The following KHDRBS2 variants were observed in gnomAD, a reference collection of about 807,000 sequenced individuals.
The protein encoded by KHDRBS2 is KH RNA binding domain containing, signal transduction associated 2, also known as KH domain-containing, RNA-binding, signal transduction-associated protein 2.
In KHDRBS2, 26 loss-of-function variants were observed where a neutral mutation model predicts 44.3. The observed-to-expected ratio is 0.59, with a 90% CI of 0.43 to 0.81. The LOEUF is 0.81. Among genes scored for constraint, KHDRBS2 ranks in the 40% least tolerant of loss-of-function variants. The pLI, the probability that KHDRBS2 is intolerant of heterozygous loss-of-function variation, is 0.00. For synonymous variants in KHDRBS2, 194 were observed against 151.1 expected (o/e 1.28, Z -2.08); for missense variants, 476 against 433.1 (o/e 1.10, Z -0.88).
chr6:61,703,194 G>A (rs1435809514), intron 7 of KHDRBS2, among the ~76,000 whole-genome samples: 2 of 151,746 alleles, frequency 1.3e-5, no homozygotes, highest in Admixed American at 6.6e-5. Context: ...TAAAGAACAT[G>A]ATAAATGAAA....
the KHDRBS2 span, among the ~76,000 whole-genome samples, chr6:61,631,485 TG>T: frequency 2.6e-5 from 4 of 152,082 alleles, no homozygotes; most frequent in African/African-American, 9.7e-5. Flanking sequence ...ATATCAAATA[TG>T]TCTTTGTGAG....
chr6:61,919,320 G>T (rs1057419439), intron 4 of KHDRBS2, among the ~76,000 whole-genome samples: 1 of 151,860 alleles, frequency 6.6e-6, no homozygotes, highest in African/African-American at 2.4e-5. Context: ...CCAAAAAAGG[G>T]TTAGCAAAGC....
chr6:61,587,678 CA>C, the KHDRBS2 span, among the ~76,000 whole-genome samples: 1 of 152,076 alleles, frequency 6.6e-6, no homozygotes. Context: ...TTTGATTTGA[CA>C]GATTGTGGTT....
chr6:61,755,216 T>C (rs1778309755), intron 6 of KHDRBS2, among the ~76,000 whole-genome samples: 1 of 152,152 alleles, frequency 6.6e-6, no homozygotes, highest in Non-Finnish European at 1.5e-5. Context: ...AAAAGAATTA[T>C]TTAATAGAAT....
At chr6:61,704,219 T>G (rs1258056397) in intron 7 of KHDRBS2, among the ~76,000 whole-genome samples, 8 of 151,814 alleles carry the variant, frequency 5.3e-5, no homozygotes, top group South Asian at 4.1e-4. Context: ...GCCTAGTAGC[T>G]ACATATACAT....
chr6:61,893,825 C>A (rs1802435233), intron 6 of KHDRBS2, among the ~76,000 whole-genome samples: 1 of 151,866 alleles, frequency 6.6e-6, no homozygotes, highest in Non-Finnish European at 1.5e-5. Flanking sequence ...GTGCAGCACA[C>A]CAACATGGCA....
intron 2 of KHDRBS2, among the ~76,000 whole-genome samples, chr6:62,064,708 G>T: frequency 1.3e-5 from 2 of 151,994 alleles, no homozygotes; most frequent in East Asian, 3.9e-4. Context: ...TACCATTCAG[G>T]TCACAGGCAT....
At chr6:61,586,877 C>T in the KHDRBS2 span, among the ~76,000 whole-genome samples, 1 of 152,206 alleles carries the variant, frequency 6.6e-6, no homozygotes, top group Admixed American at 6.5e-5. Context: ...CAGTTTGTTA[C>T]ATTCCCTTTT....
chr6:61,613,338 C>G, the KHDRBS2 span, among the ~76,000 whole-genome samples: 2 of 152,242 alleles, frequency 1.3e-5, no homozygotes, highest in South Asian at 4.1e-4. Flanking sequence ...GAATGAATGT[C>G]TACGTGTAAT....
At chr6:62,091,087 G>T (rs1477977540) in intron 2 of KHDRBS2, among the ~76,000 whole-genome samples, 2 of 152,126 alleles carry the variant, frequency 1.3e-5, no homozygotes, top group African/African-American at 2.4e-5. Context: ...AACAGAGCAA[G>T]AATACTATCT....
chr6:62,081,670 C>T lies in KHDRBS2; in HGVS notation c.220-33676G>A, dbSNP rs374836881. Among the ~76,000 whole-genome samples, 39 of 152,066 alleles carry T rather than the reference C, an allele frequency of 2.6e-4. 1 individual carries two copies. Among genetic ancestry groups the T allele is most frequent in the East Asian group, 2.5e-3 (13 of 5,152 alleles). On this transcript the variant is annotated intron_variant, in intron 2 of 8. Transcript: ENST00000281156. Reference sequence around the variant, plus strand: ...GCACATTTCAAAGAGTTATTCAAACCAGAACATATCTTTATGTAAATATAT... The same window carrying T: ...GCACATTTCAAAGAGTTATTCAAACTAGAACATATCTTTATGTAAATATAT...
chr6:61,846,323 A>G (rs764085502), intron 6 of KHDRBS2, among the ~76,000 whole-genome samples: 1 of 152,248 alleles, frequency 6.6e-6, no homozygotes. Context: ...ATGTAAATGT[A>G]TAAGTAAATC....
At chr6:62,234,974 T>C (rs1312171698) in intron 1 of KHDRBS2, among the ~76,000 whole-genome samples, 1 of 151,896 alleles carries the variant, frequency 6.6e-6, no homozygotes, top group East Asian at 1.9e-4. Flanking sequence ...TTTTAAGTGG[T>C]TTTATTCATG....
intron 3 of KHDRBS2, among the ~76,000 whole-genome samples, chr6:62,044,861 A>G (rs1172280392): frequency 6.6e-6 from 1 of 152,116 alleles, no homozygotes; most frequent in Non-Finnish European, 1.5e-5. Context: ...GGCCTGCCTA[A>G]GTTTGGTCAA....
chr6:61,710,414 G>A (rs542184501), intron 7 of KHDRBS2, among the ~76,000 whole-genome samples: 3 of 151,722 alleles, frequency 2.0e-5, no homozygotes, highest in Non-Finnish European at 4.4e-5. Context: ...GTATTTTCAT[G>A]TCTTCCTCTT....
chr6:62,013,372 A>G (rs1314737229), intron 3 of KHDRBS2, among the ~76,000 whole-genome samples: 1 of 152,176 alleles, frequency 6.6e-6, no homozygotes, highest in Non-Finnish European at 1.5e-5. Flanking sequence ...TATTTCAAAT[A>G]GACCTTAAAT....
chr6:62,233,867 T>C (rs1833274039), intron 1 of KHDRBS2, among the ~76,000 whole-genome samples: 2 of 152,186 alleles, frequency 1.3e-5, no homozygotes, highest in Non-Finnish European at 2.9e-5. Flanking sequence ...GTACCACATT[T>C]CCTTCATCCA....
At chr6:62,047,558 G>A (rs1232053292) in intron 3 of KHDRBS2, among the ~76,000 whole-genome samples, 3 of 151,650 alleles carry the variant, frequency 2.0e-5, no homozygotes, top group Non-Finnish European at 4.4e-5. Flanking sequence ...ACCAGCGAGG[G>A]AATTAAAGAA....
chr6:61,626,672 T>C, the KHDRBS2 span, among the ~76,000 whole-genome samples: 1 of 152,230 alleles, frequency 6.6e-6, no homozygotes, highest in Non-Finnish European at 1.5e-5. Context: ...ATGAAGTTAG[T>C]GTCAGGCTAA....
Sources: gnomAD v4.1 joint callset for allele counts (sites outside exome capture counted in the v4.1 genomes callset) on GRCh38, gnomAD v4.1.1 for gene constraint, MANE v1.5 for transcripts, NCBI Gene and HGNC (gene_info 2026-07-23, HGNC 2026-07-21) for gene names.